Variants in PTPN13 observed in about 807,000 individuals in gnomAD.
PTPN13 encodes the protein tyrosine-protein phosphatase non-receptor type 13.
Under a neutral mutation model 284.0 loss-of-function variants are expected in PTPN13, and 191 were observed. The observed-to-expected ratio is 0.67, with a 90% confidence interval of 0.60 to 0.76. PTPN13 has a LOEUF of 0.76. PTPN13 is among the 30% of genes least tolerant of loss of function. The pLI, the probability that PTPN13 is intolerant of heterozygous loss-of-function variation, is 0.00. For synonymous variants in PTPN13, 986 were observed against 1,022.3 expected (o/e 0.96, Z 0.68); for missense variants, 2,797 against 2,939.9 (o/e 0.95, Z 1.12).
At chr4:86,812,853 C>T (rs1358262674) in intron 47 of PTPN13, among the ~76,000 whole-genome samples, 3 of 152,026 alleles carry the variant, frequency 2.0e-5, no homozygotes, top group Non-Finnish European at 4.4e-5. Context: ...TAAAGGACTA[C>T]TAACCTGCTG....
At chr4:86,716,892 C>T in intron 8 of PTPN13, 132 bp from the exon 9 acceptor site, 1 of 656,942 alleles carries the variant, frequency 1.5e-6, no homozygotes, top group Non-Finnish European at 2.6e-6. Context: ...AGTTTAATAA[C>T]ATTATGTCAT....
chr4:86,804,830 G>A (rs55670248), intron 43 of PTPN13, among the ~76,000 whole-genome samples: 20,468 of 152,020 alleles, frequency 0.13, 1,763 homozygotes, highest in East Asian at 0.29. Context: ...TTGAATGAGC[G>A]AATGAATGAA....
At chr4:86,744,711 G>C (rs915621356) in intron 16 of PTPN13, among the ~76,000 whole-genome samples, 4 of 152,154 alleles carry the variant, frequency 2.6e-5, no homozygotes, top group African/African-American at 7.2e-5. Flanking sequence ...AGGAGCAATA[G>C]GCTACATCAT....
chr4:86,661,008 A>G, intron 2 of PTPN13: 1 of 376,382 alleles, frequency 2.7e-6, no homozygotes. Context: ...ATTATTGTTG[A>G]GGTATAACAT....
chr4:86,813,797 A>G (rs1489939371), intron 47 of PTPN13, among the ~76,000 whole-genome samples: 1 of 152,168 alleles, frequency 6.6e-6, no homozygotes, highest in Non-Finnish European at 1.5e-5. Context: ...ACAAATCCAG[A>G]AGAAATTATG....
At chr4:86,609,033 G>C (rs1765039844) in intron 1 of PTPN13, among the ~76,000 whole-genome samples, 1 of 152,150 alleles carries the variant, frequency 6.6e-6, no homozygotes, top group Admixed American at 6.5e-5. Flanking sequence ...CTAAATTTTA[G>C]TTTATCACAT....
chr4:86,621,146 C>T (rs1220246624), intron 1 of PTPN13, among the ~76,000 whole-genome samples: 3 of 152,110 alleles, frequency 2.0e-5, no homozygotes, highest in South Asian at 4.1e-4. Flanking sequence ...CTGGGGTACA[C>T]GTGGGGATCA....
chr4:86,736,771 G>A (rs760106380), intron 15 of PTPN13, among the ~76,000 whole-genome samples: 2 of 152,210 alleles, frequency 1.3e-5, no homozygotes, highest in Non-Finnish European at 2.9e-5. Context: ...TCAACTAGCT[G>A]AGTGACCTTG....
At chr4:86,766,370 A>T (rs1739310302) in intron 26 of PTPN13, 62 bp from the exon 27 acceptor site, 12 of 1,304,476 alleles carry the variant, frequency 9.2e-6, no homozygotes, top group Non-Finnish European at 1.1e-5. Context: ...ACGAAATAAG[A>T]CCATAAGATT....
At chr4:86,654,193 GAC>G (rs1420818358) in intron 2 of PTPN13, among the ~76,000 whole-genome samples, 9 of 152,054 alleles carry the variant, frequency 5.9e-5, no homozygotes, top group African/African-American at 1.9e-4. Flanking sequence ...GAAGGAGATA[GAC>G]ACACAAAAAA....
At chr4:86,769,426 A>C (rs1205559852) in intron 28 of PTPN13, among the ~76,000 whole-genome samples, 2 of 152,116 alleles carry the variant, frequency 1.3e-5, no homozygotes, top group African/African-American at 4.8e-5. Flanking sequence ...CGGCCTCCCA[A>C]AGTACTGGGG....
At chr4:86,718,364 C>T (rs952592073) in intron 9 of PTPN13, among the ~76,000 whole-genome samples, 1 of 152,098 alleles carries the variant, frequency 6.6e-6, no homozygotes, top group Admixed American at 6.6e-5. Flanking sequence ...ATCAGGTAAC[C>T]CTAGCCATGT....
chr4:86,784,693 AC>A, intron 38 of PTPN13, 135 bp downstream of exon 38: 1 of 619,838 alleles, frequency 1.6e-6, no homozygotes, highest in South Asian at 2.1e-5. Flanking sequence ...GGTCAAATAA[AC>A]AAAAGAACAA....
In PTPN13 at chr4:86,716,665, C is replaced by A. The variant is rs1270845110; in HGVS notation, c.1291+40C>A. ...AAACAAGCAAACTGTTTTTAAGAAACCACGATTATTATTATTTTCAATAGT... is the reference window on the plus strand; with the variant it reads ...AAACAAGCAAACTGTTTTTAAGAAAACACGATTATTATTATTTTCAATAGT... On this transcript the variant is annotated intron_variant, in intron 8 of 47. Coordinates refer to ENST00000411767, the MANE Select transcript of PTPN13 (RefSeq NM_080683.3). 2.4e-6 allele frequency: 3 copies of A among 1,243,272 alleles called. No individual in the cohort carries two copies. The Admixed American group carries it at 7.1e-5, about 30-fold the overall frequency. The allele number at this position is 1,243,272 out of a possible 1,614,324, so 77.0% of individuals were successfully genotyped here.
intron 6 of PTPN13, 132 bp from the exon 7 acceptor site, chr4:86,701,109 T>C (rs1284054334): frequency 3.1e-6 from 2 of 637,684 alleles, no homozygotes; most frequent in East Asian, 5.6e-5. Flanking sequence ...ATCATCACCA[T>C]CCCATTTCAC....
At chr4:86,757,900 G>A (rs1285402456) in intron 20 of PTPN13, among the ~76,000 whole-genome samples, 1 of 152,056 alleles carries the variant, frequency 6.6e-6, no homozygotes, top group Non-Finnish European at 1.5e-5. Flanking sequence ...TCAAATTCAG[G>A]GAGTTGATTA....
At chr4:86,758,445 C>G (rs1738261903) in intron 21 of PTPN13, 96 bp downstream of exon 21, 4 of 1,114,452 alleles carry the variant, frequency 3.6e-6, no homozygotes, top group South Asian at 1.4e-5. Context: ...CAGCTCACTT[C>G]TGGTCTCAAG....
intron 8 of PTPN13, among the ~76,000 whole-genome samples, 192 bp from the exon 9 acceptor site, chr4:86,716,830 TAC>T (rs1733079177): frequency 6.6e-6 from 1 of 152,216 alleles, no homozygotes; most frequent in Non-Finnish European, 1.5e-5. Flanking sequence ...TCCTTTTCAT[TAC>T]AGAGATAATA....
intron 44 of PTPN13, among the ~76,000 whole-genome samples, 173 bp from the exon 45 acceptor site, chr4:86,807,387 C>A (rs1020974080): frequency 3.9e-5 from 6 of 152,128 alleles, no homozygotes; most frequent in Admixed American, 3.9e-4. Flanking sequence ...AAAGAATAAA[C>A]ATAAAATAAT....
Sources: gnomAD v4.1 joint callset for allele counts (sites outside exome capture counted in the v4.1 genomes callset) on GRCh38, gnomAD v4.1.1 for gene constraint, MANE v1.5 for transcripts, NCBI Gene and HGNC (gene_info 2026-07-23, HGNC 2026-07-21) for gene names.